The following PUS7 variants were observed in gnomAD, a reference collection of about 807,000 sequenced individuals.
PUS7 encodes the protein pseudouridylate synthase 7 homolog.
A neutral mutation model predicts 79.8 loss-of-function variants in PUS7; 48 were observed. The observed-to-expected ratio is 0.60, with a 90% CI of 0.48 to 0.76. The LOEUF (loss-of-function observed/expected upper bound fraction) is 0.76, where lower values mean the gene tolerates loss of function less well. Ranked by LOEUF, PUS7 falls within the 30% of genes least tolerant of loss-of-function variation. PUS7 has a pLI of 0.00. For synonymous variants in PUS7, 286 were observed against 272.2 expected, an observed-to-expected ratio of 1.05 and a Z score of -0.50; for missense variants, 729 against 797.6, an observed-to-expected ratio of 0.91 and a Z score of 1.04.
intron 9 of PUS7, 115 bp from the exon 10 acceptor site, chr7:105,472,308 C>A (rs1190905316): frequency 1.6e-6 from 1 of 618,022 alleles, no homozygotes; most frequent in African/African-American, 1.9e-5. Flanking sequence ...CCTTGACCTC[C>A]CAGGCTCTAC....
At chr7:105,505,885 A>G in intron 4 of PUS7, 70 bp downstream of exon 4, 1 of 1,217,814 alleles carries the variant, frequency 8.2e-7, no homozygotes, top group South Asian at 1.3e-5. Context: ...TTTTTCCATA[A>G]ACACTTAACA....
intron 11 of PUS7, among the ~76,000 whole-genome samples, chr7:105,469,568 T>A (rs1044343061): frequency 1.1e-4 from 17 of 152,186 alleles, no homozygotes; most frequent in Admixed American, 1.0e-3. Context: ...CAAGCGATTC[T>A]CCTGCCTCAG....
intron 8 of PUS7, among the ~76,000 whole-genome samples, 162 bp from the exon 9 acceptor site, chr7:105,481,339 A>T (rs1159785329): frequency 6.6e-6 from 1 of 152,096 alleles, no homozygotes; most frequent in Admixed American, 6.6e-5. Context: ...TTGTGGTAAG[A>T]TATTTATAAT....
intron 6 of PUS7, among the ~76,000 whole-genome samples, chr7:105,492,666 C>T (rs539838388): frequency 4.0e-5 from 6 of 151,490 alleles, no homozygotes; most frequent in Non-Finnish European, 7.4e-5. Flanking sequence ...CCACTACGCC[C>T]GGCTAATTTT....
chr7:105,482,652 T>C (rs921510066), intron 7 of PUS7, among the ~76,000 whole-genome samples: 8 of 152,106 alleles, frequency 5.3e-5, no homozygotes, highest in African/African-American at 1.9e-4. Context: ...CCTGTTCAAA[T>C]TGCATACTCC....
intron 7 of PUS7, 41 bp downstream of exon 7, chr7:105,491,499 G>A (rs1194264142): frequency 6.1e-6 from 8 of 1,304,128 alleles, no homozygotes; most frequent in Non-Finnish European, 8.6e-6. Context: ...GCAGTGCCAG[G>A]ATATTTACAG....
chr7:105,472,296 A>G, intron 9 of PUS7, 103 bp from the exon 10 acceptor site: 1 of 671,966 alleles, frequency 1.5e-6, no homozygotes, highest in Non-Finnish European at 2.6e-6. Context: ...TATACACCGA[A>G]GCCTTGACCT....
In PUS7 at chr7:105,492,601, G is replaced by T. The variant is rs868792231; in HGVS notation, c.843-984C>A. Among the ~76,000 whole-genome samples the T allele has an allele frequency of 2.7e-3, 400 of 148,820 alleles. 3 individuals are homozygous for T. Among genetic ancestry groups the T allele is most frequent in the African/African-American group, 9.5e-3 (383 of 40,458 alleles). ...GCTCACTGCAAGCTCCGCCTCCCGG[G>T]TTCACGCCATTCTCCTGCCTCAGCC... On this transcript the variant is annotated intron_variant, in intron 6 of 15. Transcript: ENST00000469408.
At position 105,472,142 on chromosome 7, in the gene PUS7, G is replaced by T; in HGVS notation, c.1227C>A (p.Pro409=). 1 of 1,596,064 alleles carries T rather than the reference G, an allele frequency of 6.3e-7. No homozygotes were observed. The highest frequency in any genetic ancestry group is 8.6e-7 in the Non-Finnish European group (1 of 1,165,780). Residue 409 remains proline, a synonymous_variant, in exon 10 of 16, where the codon CCC becomes CCA. Transcript: ENST00000469408. ...GAATTTTATTCTCACCTCCAGAGCG[G>T]GGTTTCAATATTAAATCCATGACTT... ...WTEVMDLILK[P]RSGAEKGYLV...
At chr7:105,516,302 T>C (rs1286865002) in intron 1 of PUS7, among the ~76,000 whole-genome samples, 1 of 152,134 alleles carries the variant, frequency 6.6e-6, no homozygotes, top group Non-Finnish European at 1.5e-5. Context: ...TTAATATATA[T>C]TTTTCTAAGT....
chr7:105,460,038 A>AAG, intron 14 of PUS7, among the ~76,000 whole-genome samples: 1 of 152,076 alleles, frequency 6.6e-6, no homozygotes, highest in Non-Finnish European at 1.5e-5. Context: ...TCCCGGGTTC[A>AAG]CACCATTCTC....
rs750077181 is a variant in PUS7, at chr7:105,468,446, G to A, written c.1416C>T (p.Arg472=). 13 of 1,606,384 alleles carry A rather than the reference G, an allele frequency of 8.1e-6. No homozygotes were observed. In the African/African-American group the frequency reaches 1.5e-4, roughly 18 times the overall value. Residue 472 remains arginine (R), a synonymous_variant, in exon 12 of 16, where the codon CGC becomes CGT. Coordinates refer to ENST00000469408, the MANE Select transcript of PUS7 (RefSeq NM_019042.5). ...SAFGIIPRNN[R]LMYIHSYQSY... is the part of the protein sequence containing the mutation. Reference sequence around the variant, plus strand: ...TTTGGTAGCTATGAATATACATTAAGCGATTATTTCTGGGTATCTGGAGGG... The same window carrying A: ...TTTGGTAGCTATGAATATACATTAAACGATTATTTCTGGGTATCTGGAGGG...
chr7:105,468,521 A>C, intron 11 of PUS7, 58 bp from the exon 12 acceptor site: 2 of 1,427,918 alleles, frequency 1.4e-6, no homozygotes, highest in Non-Finnish European at 1.9e-6. Context: ...AAAGTGCTGT[A>C]CTTTTTTTTT....
At chr7:105,513,244 G>A (rs893548327) in intron 1 of PUS7, among the ~76,000 whole-genome samples, 6 of 152,132 alleles carry the variant, frequency 3.9e-5, no homozygotes, top group Non-Finnish European at 8.8e-5. Context: ...CCTTCCAGAG[G>A]CCAGAACTCT....
At chr7:105,480,644 C>T (rs773393673) in intron 9 of PUS7, among the ~76,000 whole-genome samples, 24 of 151,912 alleles carry the variant, frequency 1.6e-4, no homozygotes, top group African/African-American at 2.7e-4. Context: ...GTCATGGTGG[C>T]GCATGCCTGT....
chr7:105,499,514 T>C (rs1327818589), intron 5 of PUS7, among the ~76,000 whole-genome samples: 1 of 152,158 alleles, frequency 6.6e-6, no homozygotes, highest in Non-Finnish European at 1.5e-5. Context: ...AAAATATAAA[T>C]TAATTTATCA....
Position 105,508,379 on chromosome 7 carries a change from T to C in PUS7, c.134A>G (p.Asp45Gly), listed in dbSNP as rs1219270096. The stretch of plus-strand genomic sequence containing the variant: ...GGACAGAAAGTCATTCTGTAGCCCA[T>C]CTTGACCTTTGGTTAGACTGCATTC... ...LSECSLTKGQ[D>G]GLQNDFLSIS... The change falls in exon 2 of 16, where the codon GAT becomes GGT. Residue 45 changes from aspartate (D) to glycine (G), a missense_variant. By Grantham distance (94) the Asp-to-Gly change is moderately conservative. Transcript: ENST00000469408. 2 of 1,614,004 alleles carry C rather than the reference T, an allele frequency of 1.2e-6. No individual in the cohort carries two copies. The highest frequency in any genetic ancestry group is 1.7e-6 in the Non-Finnish European group (2 of 1,180,038).
intron 4 of PUS7, 83 bp from the exon 5 acceptor site, chr7:105,502,647 G>A (rs1670256552): frequency 1.4e-6 from 2 of 1,430,124 alleles, no homozygotes; most frequent in Non-Finnish European, 1.9e-6. Context: ...TAAAAACACT[G>A]CTCACCTTAT....
intron 1 of PUS7, among the ~76,000 whole-genome samples, chr7:105,516,243 C>T (rs2133292302): frequency 1.3e-5 from 2 of 152,116 alleles, no homozygotes; most frequent in South Asian, 4.2e-4. Flanking sequence ...CCGCACCCGG[C>T]CCAAATTAAT....
Sources: gnomAD v4.1 joint callset for allele counts (sites outside exome capture counted in the v4.1 genomes callset) on GRCh38, gnomAD v4.1.1 for gene constraint, MANE v1.5 for transcripts, NCBI Gene and HGNC (gene_info 2026-07-23, HGNC 2026-07-21) for gene names.